Variants in CD2AP observed in about 807,000 individuals in gnomAD.
CD2AP encodes the protein CD2 associated protein.
Under a neutral mutation model 85.1 loss-of-function variants are expected in CD2AP, and 46 were observed. The observed-to-expected ratio is 0.54, with a 90% confidence interval of 0.43 to 0.69. The LOEUF (loss-of-function observed/expected upper bound fraction) is 0.69, where lower values mean the gene tolerates loss of function less well. Among genes scored for constraint, CD2AP ranks in the 30% least tolerant of loss-of-function variants. The pLI is 0.00. For missense variants in CD2AP, 769 were observed against 729.5 expected (o/e 1.05, Z -0.62); for synonymous variants, 255 against 252.9 (o/e 1.01, Z -0.08).
In CD2AP at chr6:47,624,263, T is replaced by A; in HGVS notation, c.*36T>A. Reference sequence around the variant, plus strand: ...CCTGGTGTTCATAATGTTCCAGGGATTCAGAAGCAACGCTATGAACTTCAG... The same window carrying A: ...CCTGGTGTTCATAATGTTCCAGGGAATCAGAAGCAACGCTATGAACTTCAG... On this transcript the variant is annotated 3_prime_UTR_variant, in exon 18 of 18. Transcript: ENST00000359314. 6.4e-7 allele frequency: 1 copy of A among 1,558,832 alleles called. No homozygotes were observed. The highest frequency in any genetic ancestry group is 8.8e-7 in the Non-Finnish European group (1 of 1,130,236).
chr6:47,613,219 C>A (rs548392263), intron 17 of CD2AP, among the ~76,000 whole-genome samples: 1 of 152,128 alleles, frequency 6.6e-6, no homozygotes, highest in Admixed American at 6.6e-5. Context: ...TCTTATGAAT[C>A]GTGAATGTTC....
chr6:47,589,901 A>T (rs1022057500), intron 11 of CD2AP, among the ~76,000 whole-genome samples: 1 of 152,110 alleles, frequency 6.6e-6, no homozygotes, highest in African/African-American at 2.4e-5. Context: ...ACTCTGAGGA[A>T]CACTGAAGTT....
intron 1 of CD2AP, among the ~76,000 whole-genome samples, chr6:47,485,079 C>A (rs988397261): frequency 3.3e-5 from 5 of 152,156 alleles, no homozygotes; most frequent in African/African-American, 1.2e-4. Flanking sequence ...CATGTACATA[C>A]ATTTATATGT....
intron 2 of CD2AP, among the ~76,000 whole-genome samples, chr6:47,514,283 T>A (rs1471571304): frequency 1.3e-5 from 2 of 152,232 alleles, no homozygotes; most frequent in Admixed American, 6.5e-5. Flanking sequence ...TGATCTTTTT[T>A]AAGTCATTTC....
At chr6:47,605,075 A>G (rs1769233816) in intron 13 of CD2AP, among the ~76,000 whole-genome samples, 1 of 152,018 alleles carries the variant, frequency 6.6e-6, no homozygotes, top group Non-Finnish European at 1.5e-5. Context: ...CTTTTTAAAG[A>G]AACAAATAAC....
chr6:47,530,932 T>A (rs1256869997), intron 2 of CD2AP, among the ~76,000 whole-genome samples: 2 of 152,212 alleles, frequency 1.3e-5, no homozygotes, highest in Non-Finnish European at 2.9e-5. Flanking sequence ...ATAGCTTTTT[T>A]ACCTTTTTAA....
chr6:47,540,523 A>T (rs376333136), intron 3 of CD2AP, among the ~76,000 whole-genome samples: 39 of 152,190 alleles, frequency 2.6e-4, no homozygotes, highest in African/African-American at 9.4e-4. Context: ...AGCTATTTAG[A>T]TGTTTTTATC....
intron 1 of CD2AP, among the ~76,000 whole-genome samples, chr6:47,495,638 A>C (rs1349722807): frequency 6.6e-6 from 1 of 152,124 alleles, no homozygotes; most frequent in Non-Finnish European, 1.5e-5. Flanking sequence ...CTGTATCTTT[A>C]GGTGGTAGTT....
chr6:47,503,259 C>A (rs773187230), intron 1 of CD2AP, 21 bp from the exon 2 acceptor site: 24 of 1,608,238 alleles, frequency 1.5e-5, no homozygotes, highest in Non-Finnish European at 2.0e-5. Context: ...TTAGACATTT[C>A]GTTTTTTCCC....
intron 12 of CD2AP, among the ~76,000 whole-genome samples, chr6:47,598,369 C>A (rs1228475950): frequency 6.6e-6 from 1 of 151,058 alleles, no homozygotes; most frequent in Admixed American, 6.6e-5. Context: ...AAAAGCAGAT[C>A]TACCATTTGA....
intron 1 of CD2AP, among the ~76,000 whole-genome samples, chr6:47,501,704 TGTA>T (rs1456361409): frequency 6.6e-6 from 1 of 151,960 alleles, no homozygotes; most frequent in Non-Finnish European, 1.5e-5. Flanking sequence ...TAGTCAGTCT[TGTA>T]GGAGGAAGAA....
chr6:47,599,442 A>G lies in CD2AP; in HGVS notation c.1416A>G (p.Thr472=). ...DSLTVRTSKE[T]DVVNFDDIAS... ...TTACAGTAAGGACCTCCAAAGAAAC[A>G]GGTAAGTCAGCATGGACAGCGGTGG... Residue 472 remains threonine (T), a splice_region_variant and synonymous_variant, in exon 13 of 18, where the codon ACA becomes ACG. Transcript: ENST00000359314. 3 of 1,611,952 alleles carry G rather than the reference A, an allele frequency of 1.9e-6. No homozygotes were observed. Among genetic ancestry groups the G allele is most frequent in the Non-Finnish European group, 1.7e-6 (2 of 1,178,756 alleles).
intron 1 of CD2AP, among the ~76,000 whole-genome samples, chr6:47,494,413 T>C (rs1018356665): frequency 6.6e-6 from 1 of 152,170 alleles, no homozygotes; most frequent in Admixed American, 6.5e-5. Flanking sequence ...AGGGGAAATA[T>C]ACTATTATAA....
chr6:47,534,908 T>C (rs1299575548), intron 3 of CD2AP, among the ~76,000 whole-genome samples: 1 of 130,984 alleles, frequency 7.6e-6, no homozygotes, highest in Non-Finnish European at 1.8e-5. Flanking sequence ...AGTTTTCCCA[T>C]TTCAGGCTAC....
chr6:47,585,675 G>A (rs1462912601), intron 11 of CD2AP, among the ~76,000 whole-genome samples: 1 of 152,144 alleles, frequency 6.6e-6, no homozygotes, highest in African/African-American at 2.4e-5. Context: ...CGAGTACTCA[G>A]ATCTGTAGAC....
chr6:47,561,658 T>TA (rs1165529269), intron 5 of CD2AP, among the ~76,000 whole-genome samples: 4 of 152,360 alleles, frequency 2.6e-5, no homozygotes, highest in African/African-American at 9.6e-5. Context: ...CCATCTTTAC[T>TA]AGTACCTCTA....
chr6:47,529,588 A>G (rs1766818478), intron 2 of CD2AP, among the ~76,000 whole-genome samples: 1 of 152,166 alleles, frequency 6.6e-6, no homozygotes, highest in Non-Finnish European at 1.5e-5. Flanking sequence ...TAATTTTACT[A>G]AATGTATGTA....
intron 8 of CD2AP, among the ~76,000 whole-genome samples, chr6:47,578,636 T>C (rs901463095): frequency 1.3e-5 from 2 of 151,902 alleles, no homozygotes; most frequent in African/African-American, 4.8e-5. Flanking sequence ...TTCCTCTCTT[T>C]TCCACTTCCT....
At chr6:47,495,009 A>G (rs1211449503) in intron 1 of CD2AP, among the ~76,000 whole-genome samples, 1 of 152,054 alleles carries the variant, frequency 6.6e-6, no homozygotes, top group Non-Finnish European at 1.5e-5. Context: ...AAAAATTTCA[A>G]AAAATTAGCC....
Sources: allele counts gnomAD v4.1 joint callset (sites outside exome capture counted in the v4.1 genomes callset), GRCh38; gene constraint gnomAD v4.1.1; transcripts MANE v1.5; gene names NCBI Gene and HGNC (gene_info 2026-07-23, HGNC 2026-07-21).